PALM2AKAP2: variants seen among roughly 807,000 people sequenced by gnomAD.
PALM2AKAP2 encodes PALM2-AKAP2 fusion protein.
A neutral mutation model predicts 71.5 loss-of-function variants in PALM2AKAP2; 37 were observed. That is an observed-to-expected ratio of 0.52 (90% CI 0.40 to 0.68). The LOEUF (loss-of-function observed/expected upper bound fraction) is 0.68. PALM2AKAP2 is among the 30% of genes least tolerant of loss of function. PALM2AKAP2 has a pLI of 0.00. For missense variants in PALM2AKAP2, 1,224 were observed against 1,191.8 expected, an observed-to-expected ratio of 1.03 and a Z score of -0.40; for synonymous variants, 468 against 478.8, an observed-to-expected ratio of 0.98 and a Z score of 0.29.
At chr9:109,977,902 T>G (rs1420344887) in intron 6 of PALM2AKAP2, among the ~76,000 whole-genome samples, 1 of 152,140 alleles carries the variant, frequency 6.6e-6, no homozygotes, top group Non-Finnish European at 1.5e-5. Context: ...GGGAAAGGGC[T>G]CTTGGTGGCC....
chr9:110,057,803 C>T (rs541968900), intron 1 of PALM2AKAP2, among the ~76,000 whole-genome samples: 2 of 152,312 alleles, frequency 1.3e-5, no homozygotes, highest in South Asian at 4.1e-4. Flanking sequence ...CATCCCAGAC[C>T]TACTTAATCA....
intron 3 of PALM2AKAP2, among the ~76,000 whole-genome samples, chr9:109,902,470 T>A (rs1830351345): frequency 6.6e-6 from 1 of 152,262 alleles, no homozygotes; most frequent in Admixed American, 6.5e-5. Context: ...CTCAATTTAC[T>A]GAGCCCCTGA....
At chr9:110,162,777 A>G (rs949010470) in intron 3 of PALM2AKAP2, among the ~76,000 whole-genome samples, 1 of 152,200 alleles carries the variant, frequency 6.6e-6, no homozygotes, top group Non-Finnish European at 1.5e-5. Context: ...ATCATAGCTC[A>G]CTGTAGCCTT....
chr9:109,828,481 G>A (rs1023205787), intron 1 of PALM2AKAP2, among the ~76,000 whole-genome samples: 2 of 152,170 alleles, frequency 1.3e-5, no homozygotes, highest in African/African-American at 2.4e-5. Context: ...AGCATCGGTC[G>A]ATGATTTATT....
intron 1 of PALM2AKAP2, among the ~76,000 whole-genome samples, chr9:109,739,440 A>G (rs1337388503): frequency 6.6e-6 from 1 of 152,238 alleles, no homozygotes; most frequent in Admixed American, 6.5e-5. Flanking sequence ...ACTCATCCAA[A>G]GCTGAACTAT....
chr9:109,700,674 T>C (rs1003444147), intron 1 of PALM2AKAP2, among the ~76,000 whole-genome samples: 3 of 152,232 alleles, frequency 2.0e-5, no homozygotes, highest in Non-Finnish European at 4.4e-5. Flanking sequence ...TTGGGCTCTT[T>C]CTAAAAACTT....
intron 6 of PALM2AKAP2, among the ~76,000 whole-genome samples, chr9:109,952,450 G>T (rs1478710447): frequency 6.6e-6 from 1 of 152,224 alleles, no homozygotes; most frequent in African/African-American, 2.4e-5. Context: ...TTCCATGGTA[G>T]ATTTTTTAAA....
intron 1 of PALM2AKAP2, among the ~76,000 whole-genome samples, chr9:109,767,557 A>T (rs1450155324): frequency 6.6e-6 from 1 of 152,072 alleles, no homozygotes; most frequent in South Asian, 2.1e-4. Context: ...ATGTAAATAC[A>T]TTACTTTGCA....
chr9:109,691,654 T>G (rs1827885379), intron 1 of PALM2AKAP2, among the ~76,000 whole-genome samples: 2 of 151,272 alleles, frequency 1.3e-5, no homozygotes, highest in Middle Eastern at 6.8e-3. Flanking sequence ...AAGACTAAAT[T>G]TAGTTTCCCC....
chr9:109,675,587 T>C (rs923549874), intron 1 of PALM2AKAP2, among the ~76,000 whole-genome samples: 1 of 152,208 alleles, frequency 6.6e-6, no homozygotes, highest in African/African-American at 2.4e-5. Context: ...GTCTCCTCAT[T>C]ATGTTAGCAG....
At chr9:110,016,566 A>T (rs1186870263) in intron 7 of PALM2AKAP2, among the ~76,000 whole-genome samples, 1 of 152,218 alleles carries the variant, frequency 6.6e-6, no homozygotes. Context: ...GGTTTACAAA[A>T]TGAGTCATCT....
At chr9:109,728,877 T>C (rs929386780) in intron 1 of PALM2AKAP2, among the ~76,000 whole-genome samples, 1 of 152,164 alleles carries the variant, frequency 6.6e-6, no homozygotes, top group Non-Finnish European at 1.5e-5. Flanking sequence ...GAGAAATAAT[T>C]TACTGTGGCA....
At chr9:110,137,731 C>A (rs1835921855) in exon 2 of PALM2AKAP2, 1 of 1,614,056 alleles carries the variant, frequency 6.2e-7, no homozygotes, top group African/African-American at 1.3e-5. Context: ...TCAGCATGGA[C>A]AACATCAGTG....
At chr9:109,939,655 T>C (rs764879951) in intron 6 of PALM2AKAP2, among the ~76,000 whole-genome samples, 1 of 152,258 alleles carries the variant, frequency 6.6e-6, no homozygotes, top group Non-Finnish European at 1.5e-5. Context: ...ATAAGTGTTA[T>C]ATTTCAAGAA....
chr9:110,041,431 T>C (rs1436027859), intron 7 of PALM2AKAP2, among the ~76,000 whole-genome samples: 1 of 152,106 alleles, frequency 6.6e-6, no homozygotes, highest in East Asian at 1.9e-4. Flanking sequence ...AACAATTCCA[T>C]GGGGAAATGT....
intron 1 of PALM2AKAP2, among the ~76,000 whole-genome samples, chr9:110,105,023 A>G (rs1401279053): frequency 6.6e-6 from 1 of 152,232 alleles, no homozygotes; most frequent in Non-Finnish European, 1.5e-5. Context: ...CTTAGATTAT[A>G]TAGTGTCATC....
intron 7 of PALM2AKAP2, among the ~76,000 whole-genome samples, chr9:110,040,553 T>TC (rs1354788575): frequency 6.6e-6 from 1 of 152,172 alleles, no homozygotes; most frequent in Non-Finnish European, 1.5e-5. Context: ...TTGGTCTTTT[T>TC]CCCCCTAATA....
chr9:109,711,477 T>C (rs1828235340), intron 1 of PALM2AKAP2, among the ~76,000 whole-genome samples: 2 of 152,346 alleles, frequency 1.3e-5, no homozygotes, highest in Admixed American at 6.5e-5. Context: ...GTGTTATAGA[T>C]ATTTGGTAGA....
chr9:109,831,568 G>A (rs1350162432), intron 1 of PALM2AKAP2, among the ~76,000 whole-genome samples: 6 of 152,142 alleles, frequency 3.9e-5, no homozygotes, highest in South Asian at 2.1e-4. Flanking sequence ...TCTGGGAGTC[G>A]TTTGCAGGCC....
Sources: gnomAD v4.1 joint callset for allele counts (sites outside exome capture counted in the v4.1 genomes callset) on GRCh38, gnomAD v4.1.1 for gene constraint, MANE v1.5 for transcripts, NCBI Gene and HGNC (gene_info 2026-07-23, HGNC 2026-07-21) for gene names.